TRIM2: variants seen among roughly 807,000 people sequenced by gnomAD.
The protein encoded by TRIM2 is tripartite motif-containing protein 2.
TRIM2 carries 20 observed loss-of-function variants against 75.2 expected under a neutral mutation model. The observed-to-expected ratio is 0.27, with a 90% CI of 0.19 to 0.39. The LOEUF (loss-of-function observed/expected upper bound fraction) is 0.39, where lower values mean the gene tolerates loss of function less well. Among genes scored for constraint, TRIM2 ranks in the 10% least tolerant of loss-of-function variants. The pLI, the probability that TRIM2 is intolerant of heterozygous loss-of-function variation, is 1.00. For missense variants in TRIM2, 660 were observed against 990.8 expected (o/e 0.67, Z 4.48); for synonymous variants, 373 against 388.3 (o/e 0.96, Z 0.46).
chr4:153,338,249 ACCT>A lies in TRIM2; in HGVS notation c.*3284_*3286del. 2 of 985,872 alleles carry A rather than the reference ACCT, an allele frequency of 2.0e-6. No individual in the cohort carries two copies. Among genetic ancestry groups the A allele is most frequent in the Non-Finnish European group, 2.4e-6 (2 of 829,926 alleles). 61.1% of individuals were successfully genotyped at this position (985,872 alleles called of 1,614,324 possible). A position where few individuals can be genotyped will look rare whatever the true frequency, so the allele number is the denominator to read the frequency against. The stretch of plus-strand genomic sequence containing the variant: ...GGGTTAACAGAAATGCTTTGGTAAT[ACCT>A]ACTTAGTTAATTGGAGGAAGTAGTA... On this transcript the variant is annotated 3_prime_UTR_variant, in exon 12 of 12. Coordinates refer to ENST00000338700, the MANE Select transcript of TRIM2 (RefSeq NM_015271.5).
intron 1 of TRIM2, among the ~76,000 whole-genome samples, chr4:153,254,990 G>C (rs1198231624): frequency 6.6e-6 from 1 of 152,112 alleles, no homozygotes; most frequent in Admixed American, 6.5e-5. Context: ...GCCTTTGACT[G>C]TGCTGCACTC....
chr4:153,195,955 G>A (rs898422701), intron 1 of TRIM2, among the ~76,000 whole-genome samples: 13 of 152,232 alleles, frequency 8.5e-5, no homozygotes, highest in Admixed American at 2.6e-4. Flanking sequence ...GATTACTGGC[G>A]TGCACCATTA....
At chr4:153,311,893 C>CA (rs1477932621) in intron 6 of TRIM2, among the ~76,000 whole-genome samples, 6 of 69,192 alleles carry the variant, frequency 8.7e-5, no homozygotes, top group East Asian at 2.5e-4. Context: ...AGTTTTTATT[C>CA]TTTTATTTAT....
chr4:153,199,509 T>G (rs1256063183), upstream of TRIM2, among the ~76,000 whole-genome samples: 1 of 152,238 alleles, frequency 6.6e-6, no homozygotes, highest in East Asian at 1.9e-4. Context: ...GCTTTCTGAC[T>G]TGCTGCCAGC....
At chr4:153,270,112 T>C (rs1756293396) in intron 1 of TRIM2, among the ~76,000 whole-genome samples, 1 of 151,970 alleles carries the variant, frequency 6.6e-6, no homozygotes, top group African/African-American at 2.4e-5. Context: ...GTATTTTTAG[T>C]AGAGACGGGG....
chr4:153,283,793 C>T (rs769169328), intron 3 of TRIM2, among the ~76,000 whole-genome samples: 14 of 150,732 alleles, frequency 9.3e-5, no homozygotes, highest in Non-Finnish European at 1.5e-4. Context: ...CATGCCACCA[C>T]GCCCCGTGAA....
At chr4:153,308,160 C>T in intron 6 of TRIM2, 1 of 1,256,430 alleles carries the variant, frequency 8.0e-7, no homozygotes. Flanking sequence ...CCTCTTCACC[C>T]CAGCGTCATA....
chr4:153,194,379 A>C (rs533484476), intron 1 of TRIM2, among the ~76,000 whole-genome samples: 1 of 152,360 alleles, frequency 6.6e-6, no homozygotes, highest in East Asian at 1.9e-4. Flanking sequence ...CATTCCACTT[A>C]ATCAAAATGA....
rs376978759 is a variant in TRIM2 at position 153,271,947 on chromosome 4, A to AAC, written c.215+1428_215+1429insAC. 5.6e-4 allele frequency among the ~76,000 whole-genome samples: 85 copies of AAC among 152,194 alleles called. 1 individual carries two copies. The highest frequency in any genetic ancestry group is 2.0e-3 in the African/African-American group (81 of 41,538). ...GTTTGGGTCCTACTTCCTCACTCTG[A>AAC]CAGGTGAGAAGCAACACTCTGGCTG... On this transcript the variant is annotated intron_variant, in intron 2 of 11. Transcript: ENST00000338700.
At chr4:153,239,439 C>T (rs1745930790) in intron 1 of TRIM2, among the ~76,000 whole-genome samples, 1 of 150,978 alleles carries the variant, frequency 6.6e-6, no homozygotes, top group Non-Finnish European at 1.5e-5. Flanking sequence ...CTCTCTCTCT[C>T]TCTGCCTTTC....
intron 11 of TRIM2, among the ~76,000 whole-genome samples, chr4:153,331,169 A>T (rs1561028820): frequency 6.6e-6 from 1 of 152,060 alleles, no homozygotes; most frequent in Non-Finnish European, 1.5e-5. Flanking sequence ...AAAAGAATAC[A>T]AAGATTAGCC....
intron 11 of TRIM2, 52 bp downstream of exon 11, chr4:153,328,722 GT>G (rs1770792486): frequency 6.7e-7 from 1 of 1,495,238 alleles, no homozygotes; most frequent in African/African-American, 1.4e-5. Context: ...TTTGTTAAAA[GT>G]GAAGAATTTG....
intron 11 of TRIM2, among the ~76,000 whole-genome samples, chr4:153,330,400 A>T (rs1194414771): frequency 6.6e-6 from 1 of 152,210 alleles, no homozygotes; most frequent in Non-Finnish European, 1.5e-5. Flanking sequence ...GTGTGTAAAA[A>T]TTCTTAAAGA....
chr4:153,318,517 T>C (rs934619897), intron 8 of TRIM2, among the ~76,000 whole-genome samples: 7 of 152,246 alleles, frequency 4.6e-5, no homozygotes, highest in Non-Finnish European at 1.0e-4. Flanking sequence ...TGCCTTTCTG[T>C]AGCTCTAACT....
chr4:153,232,485 G>A (rs184935497), intron 1 of TRIM2, among the ~76,000 whole-genome samples: 2 of 152,254 alleles, frequency 1.3e-5, no homozygotes, highest in Non-Finnish European at 2.9e-5. Context: ...GTGACAGAGT[G>A]AGGCTGCATC....
chr4:153,170,659 G>T (rs1416560676), intron 1 of TRIM2, among the ~76,000 whole-genome samples: 1 of 152,130 alleles, frequency 6.6e-6, no homozygotes, highest in Admixed American at 6.5e-5. Flanking sequence ...TGGGAAATTT[G>T]CTGGGGATGA....
intron 1 of TRIM2, among the ~76,000 whole-genome samples, chr4:153,220,666 A>G (rs1173195235): frequency 6.6e-6 from 1 of 152,236 alleles, no homozygotes; most frequent in African/African-American, 2.4e-5. Flanking sequence ...TGATGTAACA[A>G]ATAGTAAGTT....
chr4:153,241,986 CAT>C (rs530765352), intron 1 of TRIM2, among the ~76,000 whole-genome samples: 12 of 152,202 alleles, frequency 7.9e-5, no homozygotes, highest in Non-Finnish European at 1.0e-4. Context: ...GGCAAACAAA[CAT>C]GTGTTAATAG....
At chr4:153,255,791 A>T (rs1751947316) in intron 1 of TRIM2, among the ~76,000 whole-genome samples, 1 of 152,226 alleles carries the variant, frequency 6.6e-6, no homozygotes. Flanking sequence ...AAATACTGAC[A>T]CATGCTACCA....
Sources: allele counts gnomAD v4.1 joint callset (sites outside exome capture counted in the v4.1 genomes callset), GRCh38; gene constraint gnomAD v4.1.1; transcripts MANE v1.5; gene names NCBI Gene and HGNC (gene_info 2026-07-23, HGNC 2026-07-21).